PTPRN2: variants seen among roughly 807,000 people sequenced by gnomAD.
The protein encoded by PTPRN2 is protein tyrosine phosphatase receptor type N2.
PTPRN2 carries 74 observed loss-of-function variants against 118.8 expected under a neutral mutation model. The ratio of observed to expected loss-of-function variants is 0.62; its 90% CI spans 0.52 to 0.76. The LOEUF (loss-of-function observed/expected upper bound fraction) is 0.76, where lower values mean the gene tolerates loss of function less well. Ranked by LOEUF, PTPRN2 falls within the 30% of genes least tolerant of loss-of-function variation. The pLI is 0.00. For synonymous variants in PTPRN2, 641 were observed against 608.0 expected, an observed-to-expected ratio of 1.05 and a Z score of -0.80; for missense variants, 1,481 against 1,394.4, an observed-to-expected ratio of 1.06 and a Z score of -0.99.
chr7:157,927,263 A>G lies in PTPRN2; in HGVS notation c.1724-28526T>C, dbSNP rs1443963532. On this transcript the variant is annotated intron_variant, in intron 11 of 22. Coordinates refer to ENST00000389418, the MANE Select transcript of PTPRN2 (RefSeq NM_002847.5). ...GAGGCCTCGCGTCTTCTGGGACCCCAAAGATAGGAAGCCCCAGGGACCCGT... is the reference window on the plus strand; with the variant it reads ...GAGGCCTCGCGTCTTCTGGGACCCCGAAGATAGGAAGCCCCAGGGACCCGT... Among the ~76,000 whole-genome samples, 364 of 37,128 alleles carry G rather than the reference A, an allele frequency of 9.8e-3. 63 individuals carry two copies. The highest frequency in any genetic ancestry group is 0.015 in the Non-Finnish European group (255 of 17,554). 24.4% of individuals were successfully genotyped at this position (37,128 alleles called of 152,430 possible). A position where few individuals can be genotyped will look rare whatever the true frequency, so the allele number is the denominator to read the frequency against.
chr7:157,961,546 AT>A (rs1320550063), intron 11 of PTPRN2, among the ~76,000 whole-genome samples: 86 of 149,868 alleles, frequency 5.7e-4, no homozygotes, highest in African/African-American at 7.0e-4. Context: ...AAAAAAAAAA[AT>A]TATAAAAAGT....
At chr7:158,476,149 C>T (rs1033802138) in intron 2 of PTPRN2, among the ~76,000 whole-genome samples, 9 of 152,158 alleles carry the variant, frequency 5.9e-5, no homozygotes, top group Non-Finnish European at 1.0e-4. Flanking sequence ...AGACCACAGG[C>T]ACATGCCACC....
At chr7:157,908,053 C>G (rs1348257648) in intron 11 of PTPRN2, among the ~76,000 whole-genome samples, 1 of 152,252 alleles carries the variant, frequency 6.6e-6, no homozygotes, top group Non-Finnish European at 1.5e-5. Context: ...TCGGACACAG[C>G]ACAGCGCGCC....
At chr7:158,024,659 CA>C (rs1807136526) in intron 11 of PTPRN2, among the ~76,000 whole-genome samples, 1 of 152,156 alleles carries the variant, frequency 6.6e-6, no homozygotes, top group Non-Finnish European at 1.5e-5. Flanking sequence ...ATCTGTGGGG[CA>C]GAAACTAAGA....
chr7:158,267,781 C>T (rs1797981129), intron 3 of PTPRN2, among the ~76,000 whole-genome samples: 1 of 152,158 alleles, frequency 6.6e-6, no homozygotes, highest in South Asian at 2.1e-4. Flanking sequence ...AAAAACCCAA[C>T]CTCTATGCCA....
chr7:157,623,805 A>G (rs1803406319), intron 14 of PTPRN2, among the ~76,000 whole-genome samples: 1 of 152,200 alleles, frequency 6.6e-6, no homozygotes, highest in African/African-American at 2.4e-5. Flanking sequence ...CTCTCTGCAC[A>G]CGCCACTCCA....
In PTPRN2 at chr7:158,199,079, T is replaced by C. The variant is rs538097026; in HGVS notation, c.380+6092A>G. Among the ~76,000 whole-genome samples, 20 of 152,062 alleles carry C rather than the reference T, an allele frequency of 1.3e-4. No individual in the cohort carries two copies. In the South Asian group the frequency reaches 3.9e-3, roughly 30 times the overall value. On this transcript the variant is annotated intron_variant, in intron 4 of 22. Coordinates refer to ENST00000389418, the MANE Select transcript of PTPRN2 (RefSeq NM_002847.5). ...GTTCTCAAGTTCTCAGTTCTCAGGTTCCCCTTCCTTGACTCTCTTAGCCCT... is the reference window on the plus strand; with the variant it reads ...GTTCTCAAGTTCTCAGTTCTCAGGTCCCCCTTCCTTGACTCTCTTAGCCCT...
intron 3 of PTPRN2, among the ~76,000 whole-genome samples, chr7:158,259,545 G>A (rs899648831): frequency 1.3e-5 from 2 of 152,230 alleles, no homozygotes; most frequent in Admixed American, 6.5e-5. Context: ...AGAGGAGGGC[G>A]TGTCTGCCAA....
intron 5 of PTPRN2, among the ~76,000 whole-genome samples, chr7:158,171,348 T>TATATATATATATATAC (rs1554571717): frequency 2.2e-5 from 2 of 90,004 alleles, no homozygotes; most frequent in Non-Finnish European, 4.1e-5. Context: ...TATATATATA[T>TATATATATATATATAC]ACACACACAC....
intron 11 of PTPRN2, among the ~76,000 whole-genome samples, chr7:158,021,838 G>C (rs1449024027): frequency 6.6e-6 from 1 of 152,204 alleles, no homozygotes; most frequent in Non-Finnish European, 1.5e-5. Flanking sequence ...GCCAACCCTA[G>C]TTTCAATAAA....
chr7:157,823,174 T>C (rs998865233), intron 12 of PTPRN2, among the ~76,000 whole-genome samples: 2 of 152,222 alleles, frequency 1.3e-5, no homozygotes, highest in African/African-American at 2.4e-5. Context: ...TCCAGATTTC[T>C]ATTGAGGACC....
Position 157,828,589 on chromosome 7 carries a change from T to C in PTPRN2, c.1788+70084A>G, listed in dbSNP as rs147845457. ...ATGATCACAGCAAGACCCTGAGAGA[T>C]GTCCTGGTTACTGCAGGTATGATCA... is the stretch of plus-strand genomic sequence containing the variant. On this transcript the variant is annotated intron_variant, in intron 12 of 22. Transcript: ENST00000389418. 2.4e-3 allele frequency among the ~76,000 whole-genome samples: 303 copies of C among 127,816 alleles called. 1 individual carries two copies. Among genetic ancestry groups the C allele is most frequent in the African/African-American group, 0.01 (290 of 28,036 alleles). The allele number at this position is 127,816 out of a possible 152,430, so 83.9% of individuals were successfully genotyped here. A position where few individuals can be genotyped will look rare whatever the true frequency, so the allele number is the denominator to read the frequency against.
Position 157,868,164 on chromosome 7 carries a change from G to A in PTPRN2, c.1788+30509C>T, listed in dbSNP as rs572635477. On this transcript the variant is annotated intron_variant, in intron 12 of 22. Coordinates refer to ENST00000389418, the MANE Select transcript of PTPRN2 (RefSeq NM_002847.5). The surrounding 1 kb of genome is among the most constrained non-coding windows in gnomAD (Gnocchi z 5.2). ...TGGGTCCAGACACAGTTATCCTAAG[G>A]CCAGGCACAGGAAGGGTTCCTTTCC... is the stretch of plus-strand genomic sequence containing the variant. Among the ~76,000 whole-genome samples, 9 of 152,340 alleles carry A rather than the reference G, an allele frequency of 5.9e-5. No individual in the cohort carries two copies. In the East Asian group the frequency reaches 1.7e-3, roughly 29 times the overall value.
chr7:157,828,716 T>C (rs552554200), intron 12 of PTPRN2, among the ~76,000 whole-genome samples: 82 of 152,368 alleles, frequency 5.4e-4, no homozygotes, highest in African/African-American at 1.8e-3. Flanking sequence ...CTGAAATCTA[T>C]GGCAAAGTAC....
At chr7:158,036,201 A>G (rs985478603) in intron 11 of PTPRN2, among the ~76,000 whole-genome samples, 1 of 152,252 alleles carries the variant, frequency 6.6e-6, no homozygotes, top group Non-Finnish European at 1.5e-5. Context: ...GCAACGCACA[A>G]CAGAAACGTA....
chr7:157,718,541 T>C (rs1362596950), intron 12 of PTPRN2, among the ~76,000 whole-genome samples: 1 of 151,744 alleles, frequency 6.6e-6, no homozygotes, highest in African/African-American at 2.4e-5. Context: ...TGTCCAGGCG[T>C]CTGAGGTGAC....
At chr7:158,146,918 G>C (rs1376246203) in intron 6 of PTPRN2, among the ~76,000 whole-genome samples, 2 of 151,620 alleles carry the variant, frequency 1.3e-5, no homozygotes, top group Admixed American at 6.6e-5. Flanking sequence ...GAGACTGAAT[G>C]ACACCCCATC....
intron 1 of PTPRN2, among the ~76,000 whole-genome samples, chr7:158,524,217 C>G: frequency 1.8e-5 from 1 of 56,672 alleles, no homozygotes; most frequent in South Asian, 1.2e-3. Flanking sequence ...GTGGAGTCGT[C>G]TACCCTGGAG....
Position 157,903,003 on chromosome 7 carries a change from T to A in PTPRN2, c.1724-4266A>T, listed in dbSNP as rs930419899. Among the ~76,000 whole-genome samples the A allele has an allele frequency of 6.6e-6, 1 of 152,104 alleles. No homozygotes were observed. The highest frequency in any genetic ancestry group is 2.4e-5 in the African/African-American group (1 of 41,410). ...CTGTGTTCTTTCTTCAACAAATACATCCACGTTGCTGCAAAGGACACAATT... is the reference window on the plus strand; with the variant it reads ...CTGTGTTCTTTCTTCAACAAATACAACCACGTTGCTGCAAAGGACACAATT... On this transcript the variant is annotated intron_variant, in intron 11 of 22. Transcript: ENST00000389418. The surrounding 1 kb of genome is among the most constrained non-coding windows in gnomAD (Gnocchi z 4.2).
Sources: gnomAD v4.1 joint callset for allele counts (sites outside exome capture counted in the v4.1 genomes callset) on GRCh38, gnomAD v4.1.1 for gene constraint, Gnocchi (gnomAD v3.1) non-coding constraint, MANE v1.5 for transcripts, NCBI Gene and HGNC (gene_info 2026-07-23, HGNC 2026-07-21) for gene names.